Variants in PRIM2 observed in about 807,000 individuals in gnomAD.
PRIM2 encodes DNA primase large subunit.
In PRIM2, 39 loss-of-function variants were observed where a neutral mutation model predicts 67.3. That is an observed-to-expected ratio of 0.58 (90% CI 0.45 to 0.76). The LOEUF is 0.76. PRIM2 is among the 30% of genes least tolerant of loss of function. The pLI is 0.00. For missense variants in PRIM2, 398 were observed against 598.7 expected (o/e 0.66, Z 3.50); for synonymous variants, 143 against 198.7 (o/e 0.72, Z 2.36).
chr6:57,249,895 G>A, the PRIM2 span, among the ~76,000 whole-genome samples: 2 of 152,180 alleles, frequency 1.3e-5, no homozygotes, highest in African/African-American at 4.8e-5. Context: ...TGCAAGGTGG[G>A]GTGTTGGCTC....
intron 5 of PRIM2, among the ~76,000 whole-genome samples, chr6:57,331,075 C>T (rs2127281087): frequency 6.6e-6 from 1 of 151,698 alleles, no homozygotes; most frequent in Admixed American, 6.6e-5. Context: ...GTAGTCCCAG[C>T]TACTCAGGAG....
At chr6:57,548,179 T>C (rs1275483237) in intron 10 of PRIM2, among the ~76,000 whole-genome samples, 12 of 152,240 alleles carry the variant, frequency 7.9e-5, no homozygotes, top group African/African-American at 2.9e-4. Context: ...CTTCTAGTTA[T>C]GACTGAGGAG....
intron 12 of PRIM2, among the ~76,000 whole-genome samples, chr6:57,607,792 C>A (rs1776589642): frequency 6.6e-6 from 1 of 152,104 alleles, no homozygotes; most frequent in Non-Finnish European, 1.5e-5. Context: ...TCTATGTTAA[C>A]ATATTATGTC....
chr6:57,374,751 C>T (rs112684638), intron 5 of PRIM2, among the ~76,000 whole-genome samples: 7 of 152,042 alleles, frequency 4.6e-5, no homozygotes, highest in Middle Eastern at 3.2e-3. Flanking sequence ...CCACCATGTC[C>T]GGCTAATTTT....
At chr6:57,509,865 T>C (rs1774326525) in intron 8 of PRIM2, among the ~76,000 whole-genome samples, 2 of 149,232 alleles carry the variant, frequency 1.3e-5, no homozygotes, top group African/African-American at 4.9e-5. Flanking sequence ...ATTTTAAATA[T>C]ATAATGTAAA....
At chr6:57,618,396 A>G (rs1776790402) in intron 12 of PRIM2, among the ~76,000 whole-genome samples, 1 of 152,200 alleles carries the variant, frequency 6.6e-6, no homozygotes, top group Non-Finnish European at 1.5e-5. Flanking sequence ...GGAGGCTTAA[A>G]TTGTGAATTT....
At chr6:57,530,519 G>C (rs1212192842) in intron 8 of PRIM2, among the ~76,000 whole-genome samples, 1 of 152,188 alleles carries the variant, frequency 6.6e-6, no homozygotes, top group Non-Finnish European at 1.5e-5. Flanking sequence ...TAGGCAGATA[G>C]AGGGAGGGCG....
the PRIM2 span, among the ~76,000 whole-genome samples, chr6:57,241,967 C>G: frequency 6.6e-6 from 1 of 152,064 alleles, no homozygotes; most frequent in Non-Finnish European, 1.5e-5. Flanking sequence ...CCACTGTGCC[C>G]GGCCAGAACC....
Position 57,324,280 on chromosome 6 carries a change from C to T in PRIM2, c.338C>T (p.Ser113Phe), listed in dbSNP as rs377400758. ...HFILRLAYCQ[S>F]EELRRWFIQQ... Reference sequence around the variant, plus strand: ...ATTTTGCGGCTTGCTTATTGCCAGTCGTAAGTATATGTTTATATTCTCACA... The same window carrying T: ...ATTTTGCGGCTTGCTTATTGCCAGTTGTAAGTATATGTTTATATTCTCACA... The change falls in exon 4 of 14, where the codon TCT becomes TTT. Residue 113 changes from serine to phenylalanine, a missense_variant and splice_region_variant. Ser to Phe is a radical substitution (Grantham distance 155, BLOSUM62 -2). This residue lies in a region of PRIM2 where 229 missense variants were observed against 383.6 expected (regional missense o/e 0.60). Transcript: ENST00000615550. 14 of 1,572,344 alleles carry T rather than the reference C, an allele frequency of 8.9e-6. No homozygotes were observed. In the African/African-American group the frequency reaches 1.1e-4, roughly 12 times the overall value.
chr6:57,414,388 G>A, intron 7 of PRIM2, among the ~76,000 whole-genome samples: 1 of 152,132 alleles, frequency 6.6e-6, no homozygotes, highest in East Asian at 1.9e-4. Context: ...ACTTAAAAGA[G>A]AAAATGGGAG....
At chr6:57,317,723 T>G (rs1767524142) in intron 1 of PRIM2, 22 bp downstream of exon 1, 1 of 152,630 alleles carries the variant, frequency 6.6e-6, no homozygotes, top group South Asian at 2.1e-4. Context: ...TTCCGCGAAT[T>G]TAGGACAGAG....
the PRIM2 span, among the ~76,000 whole-genome samples, chr6:57,256,830 T>A: frequency 1.2e-3 from 190 of 152,324 alleles, 1 homozygote; most frequent in African/African-American, 4.3e-3. Context: ...TTATTTTGAG[T>A]GTAGCCATGG....
intron 10 of PRIM2, among the ~76,000 whole-genome samples, chr6:57,566,265 AC>A (rs1284366959): frequency 6.6e-6 from 1 of 150,984 alleles, no homozygotes; most frequent in Non-Finnish European, 1.5e-5. Flanking sequence ...CATAAGTGGT[AC>A]TTTATTTTTC....
chr6:57,337,445 A>T (rs1332671005), intron 5 of PRIM2, among the ~76,000 whole-genome samples: 1 of 151,598 alleles, frequency 6.6e-6, no homozygotes, highest in Non-Finnish European at 1.5e-5. Flanking sequence ...TCCAAAATTG[A>T]CCACATACTT....
At chr6:57,407,829 T>A (rs1467644040) in intron 7 of PRIM2, among the ~76,000 whole-genome samples, 1 of 152,226 alleles carries the variant, frequency 6.6e-6, no homozygotes, top group Non-Finnish European at 1.5e-5. Flanking sequence ...AGGTTTCTAA[T>A]TTTTTAATAA....
the PRIM2 span, among the ~76,000 whole-genome samples, chr6:57,227,691 T>G: frequency 6.6e-6 from 1 of 150,892 alleles, no homozygotes; most frequent in East Asian, 1.9e-4. Context: ...CTCAGTGCTC[T>G]CATAAAATAA....
At chr6:57,385,666 C>G (rs1770120314) in intron 7 of PRIM2, among the ~76,000 whole-genome samples, 1 of 152,218 alleles carries the variant, frequency 6.6e-6, no homozygotes, top group African/African-American at 2.4e-5. Context: ...CTCCTTCAGT[C>G]TGCAATAGAT....
At chr6:57,450,521 A>G (rs1772508111) in intron 7 of PRIM2, among the ~76,000 whole-genome samples, 2 of 152,312 alleles carry the variant, frequency 1.3e-5, no homozygotes, top group South Asian at 2.1e-4. Context: ...AAGGCTTGGC[A>G]TGTGTTTAAA....
chr6:57,259,029 T>A, the PRIM2 span, among the ~76,000 whole-genome samples: 1 of 152,224 alleles, frequency 6.6e-6, no homozygotes, highest in East Asian at 1.9e-4. Flanking sequence ...TAAGTTCCCA[T>A]GTACCATGGC....
Sources: allele counts gnomAD v4.1 joint callset (sites outside exome capture counted in the v4.1 genomes callset), GRCh38; gene constraint gnomAD v4.1.1; regional missense constraint gnomAD v4.1.1; transcripts MANE v1.5; gene names NCBI Gene and HGNC (gene_info 2026-07-23, HGNC 2026-07-21).